The following PKM variants were observed in gnomAD, a reference collection of about 807,000 sequenced individuals.
The protein encoded by PKM is pyruvate kinase M1/2.
Under a neutral mutation model 49.8 loss-of-function variants are expected in PKM, and 18 were observed. That is an observed-to-expected ratio of 0.36 (90% CI 0.25 to 0.54). The LOEUF is 0.54. Among genes scored for constraint, PKM ranks in the 20% least tolerant of loss-of-function variants. PKM has a pLI of 0.89. For missense variants in PKM, 508 were observed against 713.8 expected (o/e 0.71, Z 3.28); for synonymous variants, 239 against 261.8 (o/e 0.91, Z 0.84).
At chr15:72,219,622 C>T (rs529374932) in intron 1 of PKM, among the ~76,000 whole-genome samples, 4 of 152,328 alleles carry the variant, frequency 2.6e-5, no homozygotes, top group East Asian at 1.9e-4. Context: ...TGCCTCTTTA[C>T]AATCCTCACC....
At chr15:72,205,100 ATTTT>A (rs533267397) in intron 8 of PKM, among the ~76,000 whole-genome samples, 3 of 147,424 alleles carry the variant, frequency 2.0e-5, no homozygotes, top group Admixed American at 1.3e-4. Context: ...CTCTCTACCG[ATTTT>A]TTTGTTTTTT....
intron 1 of PKM, among the ~76,000 whole-genome samples, chr15:72,227,318 A>G (rs909190125): frequency 1.3e-5 from 2 of 152,252 alleles, no homozygotes; most frequent in African/African-American, 4.8e-5. Context: ...GTGTTATACC[A>G]GCTAATTGAG....
In PKM at chr15:72,207,114, G is replaced by A. The variant is rs1181840607; in HGVS notation, c.987+13C>T. 1.2e-6 allele frequency: 2 copies of A among 1,612,988 alleles called. No homozygotes were observed. Among genetic ancestry groups the A allele is most frequent in the African/African-American group, 1.3e-5 (1 of 74,906 alleles). ...GTGTGCACATGAGAATGTGGGGAAG[G>A]GTGGGCACATGCCTGAGTAGCACAG... On this transcript the variant is annotated intron_variant, in intron 7 of 10. Coordinates refer to ENST00000335181, the MANE Select transcript of PKM (RefSeq NM_002654.6).
At chr15:72,201,695 A>G (rs1468691253) in intron 9 of PKM, 1 of 152,514 alleles carries the variant, frequency 6.6e-6, no homozygotes, top group East Asian at 1.9e-4. Context: ...CCCTCTGCTG[A>G]GGGCATCTGC....
At chr15:72,227,295 T>G (rs8192367) in intron 1 of PKM, among the ~76,000 whole-genome samples, 3,680 of 152,296 alleles carry the variant, frequency 0.024, 147 homozygotes, top group African/African-American at 0.085. Context: ...GCTCACAGGG[T>G]CAACGCATTC....
Position 72,207,233 on chromosome 15 carries a change from C to G in PKM, c.881G>C (p.Arg294Pro). 1 of 1,614,114 alleles carries G rather than the reference C, an allele frequency of 6.2e-7. No individual in the cohort carries two copies. Among genetic ancestry groups the G allele is most frequent in the Non-Finnish European group, 8.5e-7 (1 of 1,179,980 alleles). Reference sequence around the variant, plus strand: ...AGGAATCTCAATGCCTAGATCACCACGAGCCACCATGATCCCATCACTGGC... The same window carrying G: ...AGGAATCTCAATGCCTAGATCACCAGGAGCCACCATGATCCCATCACTGGC... ...LEASDGIMVARGDLGIEIPAE... is the reference protein window; with the variant it reads ...LEASDGIMVAPGDLGIEIPAE... Residue 294 changes from arginine to proline, a missense_variant, in exon 7 of 11, where the codon CGT becomes CCT. Transcript: ENST00000335181.
intron 3 of PKM, among the ~76,000 whole-genome samples, chr15:72,211,619 T>C (rs2082254871): frequency 6.6e-6 from 1 of 151,928 alleles, no homozygotes; most frequent in Non-Finnish European, 1.5e-5. Context: ...GAGTTTGAGA[T>C]GAGCCTGGGC....
At chr15:72,208,572 C>T in intron 6 of PKM, 49 bp downstream of exon 6, 1 of 1,604,058 alleles carries the variant, frequency 6.2e-7, no homozygotes, top group South Asian at 1.1e-5. Flanking sequence ...ATGGACCATG[C>T]CCTTCGGAGA....
At chr15:72,209,625 G>C (rs773503965) in intron 5 of PKM, 48 bp downstream of exon 5, 4 of 1,543,598 alleles carry the variant, frequency 2.6e-6, no homozygotes, top group Non-Finnish European at 3.6e-6. Context: ...AGGAAGTTTA[G>C]AGACAAAAGA....
chr15:72,218,830 G>T, intron 2 of PKM, 114 bp downstream of exon 2: 1 of 1,052,494 alleles, frequency 9.5e-7, no homozygotes, highest in Non-Finnish European at 1.4e-6. Context: ...ATAAGAATCT[G>T]TGTAGTATCC....
chr15:72,219,228 G>T, intron 1 of PKM, 118 bp from the exon 2 acceptor site: 2 of 910,458 alleles, frequency 2.2e-6, no homozygotes, highest in Non-Finnish European at 3.4e-6. Context: ...TTGTACACAA[G>T]CCACAGGGAA....
chr15:72,214,312 C>A (rs2082325569), intron 3 of PKM, among the ~76,000 whole-genome samples: 1 of 152,076 alleles, frequency 6.6e-6, no homozygotes, highest in African/African-American at 2.4e-5. Context: ...GGATGTAAAA[C>A]CATATATTAT....
rs746246644 is a variant in PKM at position 72,199,124 on chromosome 15, GGA to G, written c.*524_*525del. The G allele has an allele frequency of 6.2e-5, 19 of 305,002 alleles. No homozygotes were observed. Among genetic ancestry groups the G allele is most frequent in the Non-Finnish European group, 1.1e-4 (17 of 155,770 alleles). The allele number at this position is 305,002 out of a possible 1,614,324, so 18.9% of individuals were successfully genotyped here. ...TGGGGGAAAATGGAAGGTGGAGGGTGGAGTGTTTGCTGCAGGACAGCTGAGTG... is the reference window on the plus strand; with the variant it reads ...TGGGGGAAAATGGAAGGTGGAGGGTGGTGTTTGCTGCAGGACAGCTGAGTG... On this transcript the variant is annotated 3_prime_UTR_variant, in exon 11 of 11. Transcript: ENST00000335181.
chr15:72,229,748 C>T (rs571130306), intron 1 of PKM: 1 of 1,149,780 alleles, frequency 8.7e-7, no homozygotes, highest in African/African-American at 1.6e-5. Flanking sequence ...GTCTAGTCAT[C>T]CTGGTCTCTA....
intron 1 of PKM, chr15:72,228,550 G>T: frequency 1.1e-6 from 1 of 891,964 alleles, no homozygotes; most frequent in Non-Finnish European, 1.6e-6. Context: ...AAGCCTGCAA[G>T]AACCACAATG....
chr15:72,229,911 TAAA>T (rs35843341), intron 1 of PKM, among the ~76,000 whole-genome samples: 1 of 132,528 alleles, frequency 7.5e-6, no homozygotes, highest in Non-Finnish European at 1.7e-5. Flanking sequence ...GCCGGATAAT[TAAA>T]AAAAAAAAAA....
intron 3 of PKM, among the ~76,000 whole-genome samples, chr15:72,211,121 A>C (rs2082240917): frequency 6.7e-6 from 1 of 149,720 alleles, no homozygotes; most frequent in Admixed American, 6.7e-5. Context: ...GCTGGAGTGC[A>C]GTGGCACTAT....
In PKM at chr15:72,200,582, G is replaced by A. The variant is rs771667562; in HGVS notation, c.1381C>T (p.Arg461Cys). 18 of 1,613,890 alleles carry A rather than the reference G, an allele frequency of 1.1e-5. No homozygotes were observed. The highest frequency in any genetic ancestry group is 2.7e-5 in the African/African-American group (2 of 74,882). Residue 461 changes from arginine to cysteine, a missense_variant, in exon 10 of 11, where the codon CGT (arginine) becomes TGT (cysteine). Coordinates refer to ENST00000335181, the MANE Select transcript of PKM (RefSeq NM_002654.6). This position sits in a 1 kb window ranked among gnomAD's most constrained non-coding sequence, Gnocchi z 4.6. ...ATGCCACGGTACAGGTGGGCCTGAC[G>A]AGCTGTCTGGGGATTCCGGGTCACA... is the stretch of plus-strand genomic sequence containing the variant. ...IAVTRNPQTA[R>C]QAHLYRGIFP...
chr15:72,200,453 GC>G lies in PKM; in HGVS notation c.1489+20del. ...CATCCCCAAGCTCCTCTAGGCTCTA[GC>G]CCCTGCTCCAGCCACGTACCAACAT... On this transcript the variant is annotated intron_variant, in intron 10 of 10. Coordinates refer to ENST00000335181, the MANE Select transcript of PKM (RefSeq NM_002654.6). This position sits in a 1 kb window ranked among gnomAD's most constrained non-coding sequence, Gnocchi z 4.6. The G allele has an allele frequency of 6.2e-7, 1 of 1,610,802 alleles. No individual in the cohort carries two copies. Among genetic ancestry groups the G allele is most frequent in the Non-Finnish European group, 8.5e-7 (1 of 1,178,584 alleles).
Sources: gnomAD v4.1 joint callset for allele counts (sites outside exome capture counted in the v4.1 genomes callset) on GRCh38, gnomAD v4.1.1 for gene constraint, Gnocchi (gnomAD v3.1) non-coding constraint, MANE v1.5 for transcripts, NCBI Gene and HGNC (gene_info 2026-07-23, HGNC 2026-07-21) for gene names.